Variants in IRAK4 observed in about 807,000 individuals in gnomAD.
IRAK4 encodes the protein interleukin-1 receptor-associated kinase 4.
A neutral mutation model predicts 51.8 loss-of-function variants in IRAK4; 44 were observed. That is an observed-to-expected ratio of 0.85 (90% CI 0.67 to 1.09). The LOEUF is 1.09. IRAK4 is among the 50% of genes least tolerant of loss of function. The probability of loss-of-function intolerance (pLI) is 0.00; values close to 1 mark genes in which losing one functional copy is unlikely to be tolerated. For missense variants in IRAK4, 487 were observed against 538.0 expected (o/e 0.91, Z 0.94); for synonymous variants, 149 against 174.1 (o/e 0.86, Z 1.13).
chr12:43,767,734 A>T (rs934386953), intron 1 of IRAK4, among the ~76,000 whole-genome samples: 49 of 152,118 alleles, frequency 3.2e-4, no homozygotes, highest in Admixed American at 9.8e-4. Flanking sequence ...GTTTTTATTA[A>T]TAGATTTGAT....
At position 43,786,918 on chromosome 12, in the gene IRAK4, C is replaced by T. The variant is rs1173909034; in HGVS notation, c.*203C>T. The T allele has an allele frequency of 6.9e-6, 4 of 581,694 alleles. No individual in the cohort carries two copies. In the Admixed American group the frequency reaches 1.3e-4, roughly 18 times the overall value. The allele number at this position is 581,694 out of a possible 1,614,324, so 36.0% of individuals were successfully genotyped here. A position where few individuals can be genotyped will look rare whatever the true frequency, so the allele number is the denominator to read the frequency against. ...CACTTAGCCCTACCCATTAGTATCA[C>T]CCCCAGTTCTTACAGTAATCCCTGA... On this transcript the variant is annotated 3_prime_UTR_variant, in exon 12 of 12. Transcript: ENST00000613694.
intron 9 of IRAK4, 46 bp from the exon 10 acceptor site, chr12:43,783,616 C>T (rs747299143): frequency 3.2e-6 from 4 of 1,234,758 alleles, no homozygotes; most frequent in Non-Finnish European, 4.7e-6. Flanking sequence ...CCACTGTGCC[C>T]AGCCTATCTT....
chr12:43,782,664 A>C (rs1242287015), intron 9 of IRAK4, among the ~76,000 whole-genome samples, 174 bp downstream of exon 9: 3 of 152,188 alleles, frequency 2.0e-5, no homozygotes, highest in African/African-American at 7.2e-5. Flanking sequence ...CCAATGTGTA[A>C]AACTTTTGAG....
At chr12:43,767,635 GT>G (rs1030827483) in intron 1 of IRAK4, among the ~76,000 whole-genome samples, 80 of 144,236 alleles carry the variant, frequency 5.5e-4, no homozygotes, top group African/African-American at 6.1e-4. Context: ...ATTTCAGTAC[GT>G]TTTTTTTTTT....
chr12:43,761,589 G>A (rs1939564960), intron 1 of IRAK4, among the ~76,000 whole-genome samples: 2 of 152,130 alleles, frequency 1.3e-5, no homozygotes, highest in Admixed American at 1.3e-4. Context: ...AAAGCAAGGT[G>A]CAGAGAAATG....
intron 3 of IRAK4, 26 bp downstream of exon 3, chr12:43,771,391 C>T (rs1352828477): frequency 6.2e-7 from 1 of 1,612,620 alleles, no homozygotes; most frequent in Non-Finnish European, 8.5e-7. Context: ...CCAGGGTGTC[C>T]ACAATTAGGG....
In IRAK4 at chr12:43,772,305, T is replaced by C. The variant is rs1214404461; in HGVS notation, c.433T>C (p.Tyr145His). 1 of 1,613,834 alleles carries C rather than the reference T, an allele frequency of 6.2e-7. No individual in the cohort carries two copies. Among genetic ancestry groups the C allele is most frequent in the Admixed American group, 1.7e-5 (1 of 60,024 alleles). The change falls in exon 4 of 12, where the codon TAT becomes CAT. Residue 145 changes from tyrosine to histidine, a missense_variant. Physicochemically the swap from Tyr to His is moderately conservative, Grantham distance 83. Transcript: ENST00000613694. ...MTPVQNLEQS[Y>H]MPPDSSSPEN... is the part of the protein sequence containing the mutation. The stretch of plus-strand genomic sequence containing the variant: ...ACCTGTGCAGAATCTTGAACAAAGC[T>C]ATATGCCACCTGACTCCTCAAGTCC...
intron 1 of IRAK4, among the ~76,000 whole-genome samples, chr12:43,767,809 T>C (rs1940324796): frequency 1.3e-5 from 2 of 152,200 alleles, no homozygotes; most frequent in Non-Finnish European, 1.5e-5. Context: ...GGTAAGTTTT[T>C]TGCCCCTTTC....
At chr12:43,778,326 T>A in intron 8 of IRAK4, 24 bp downstream of exon 8, 1 of 1,269,294 alleles carries the variant, frequency 7.9e-7, no homozygotes, top group Non-Finnish European at 1.2e-6. Context: ...TTTAAAAGTT[T>A]TTGGAAAGCT....
At chr12:43,776,765 C>T (rs928560587) in intron 6 of IRAK4, among the ~76,000 whole-genome samples, 30 of 152,218 alleles carry the variant, frequency 2.0e-4, no homozygotes, top group African/African-American at 6.8e-4. Context: ...CGTCTTACCA[C>T]AGATGCTGCC....
intron 3 of IRAK4, 105 bp from the exon 4 acceptor site, chr12:43,772,075 C>T: frequency 2.3e-6 from 2 of 862,268 alleles, no homozygotes; most frequent in South Asian, 2.9e-5. Flanking sequence ...TGAGACCAAC[C>T]TGTAGAAACT....
intron 3 of IRAK4, 99 bp downstream of exon 3, chr12:43,771,464 A>C (rs368094266): frequency 7.9e-7 from 1 of 1,269,112 alleles, no homozygotes. Context: ...CTCATAGTAG[A>C]TGAAGCTTAC....
At chr12:43,760,801 A>G (rs1005800770) in intron 1 of IRAK4, 22 of 152,192 alleles carry the variant, frequency 1.4e-4, no homozygotes, top group African/African-American at 5.3e-4. Flanking sequence ...ACCATCTAAC[A>G]TACTATAGAG....
At chr12:43,778,349 T>C (rs774615324) in intron 8 of IRAK4, 47 bp downstream of exon 8, 2 of 1,032,846 alleles carry the variant, frequency 1.9e-6, no homozygotes, top group Non-Finnish European at 3.1e-6. Context: ...CTTTAAAGAA[T>C]AATTTGCTGT....
intron 1 of IRAK4, among the ~76,000 whole-genome samples, chr12:43,767,253 A>G (rs548946510): frequency 1.3e-5 from 2 of 152,328 alleles, no homozygotes; most frequent in South Asian, 2.1e-4. Context: ...AAAGAAGTAA[A>G]GGTATGAAAT....
chr12:43,773,208 T>C, intron 5 of IRAK4, 136 bp downstream of exon 5: 1 of 858,286 alleles, frequency 1.2e-6, no homozygotes, highest in Non-Finnish European at 1.8e-6. Flanking sequence ...TAAATAGTAG[T>C]TCTTAAAATT....
chr12:43,781,421 C>T (rs1941769521), intron 8 of IRAK4, among the ~76,000 whole-genome samples: 1 of 152,140 alleles, frequency 6.6e-6, no homozygotes, highest in African/African-American at 2.4e-5. Flanking sequence ...AAATTATCTC[C>T]ATGTTTCTTG....
At chr12:43,786,136 C>T (rs1488683196) in intron 10 of IRAK4, among the ~76,000 whole-genome samples, 2 of 150,580 alleles carry the variant, frequency 1.3e-5, no homozygotes, top group East Asian at 2.0e-4. Context: ...TGGGTTCAAA[C>T]GATTCTCCTG....
intron 1 of IRAK4, chr12:43,760,895 T>TC (rs1317554762): frequency 2.0e-5 from 3 of 151,562 alleles, no homozygotes; most frequent in Non-Finnish European, 3.0e-5. Flanking sequence ...TTGTTTTTTT[T>TC]CTCTAATTTT....
Sources: gnomAD v4.1 joint callset for allele counts (sites outside exome capture counted in the v4.1 genomes callset) on GRCh38, gnomAD v4.1.1 for gene constraint, MANE v1.5 for transcripts, NCBI Gene and HGNC (gene_info 2026-07-23, HGNC 2026-07-21) for gene names.